CEP162: variants seen among roughly 807,000 people sequenced by gnomAD.
The protein encoded by CEP162 is centrosomal protein 162.
Under a neutral mutation model 169.2 loss-of-function variants are expected in CEP162, and 141 were observed. The observed-to-expected ratio is 0.83, with a 90% CI of 0.73 to 0.96. The LOEUF is 0.96. Ranked by LOEUF, CEP162 falls within the 40% of genes least tolerant of loss-of-function variation. The pLI is 0.00. For missense variants in CEP162, 1,600 were observed against 1,587.2 expected (o/e 1.01, Z -0.14); for synonymous variants, 540 against 526.4 (o/e 1.03, Z -0.35).
chr6:84,189,756 C>G (rs1329976774), intron 11 of CEP162, among the ~76,000 whole-genome samples: 2 of 152,230 alleles, frequency 1.3e-5, no homozygotes, highest in Non-Finnish European at 2.9e-5. Context: ...GGAATGCGAG[C>G]ACACGGCGCA....
chr6:84,221,112 C>T lies in CEP162; in HGVS notation c.117G>A (p.Met39Ile). The change falls in exon 3 of 27, where the codon ATG becomes ATA. Residue 39 changes from methionine to isoleucine, a missense_variant. By Grantham distance (10) the Met-to-Ile change is conservative. Coordinates refer to ENST00000403245, the MANE Select transcript of CEP162 (RefSeq NM_014895.4). ...ACCAAGGCACTGTATCTTTCTTCTT[C>T]ATCTCTTTTTTAGATTGTCTAGCTG... ...DKTARQSKKE[M>I]KKKDTVPWWI... The T allele has an allele frequency of 6.2e-7, 1 of 1,604,398 alleles. No individual in the cohort carries two copies. Among genetic ancestry groups the T allele is most frequent in the Admixed American group, 1.7e-5 (1 of 59,868 alleles).
At chr6:84,183,411 C>T (rs1588820889) in intron 13 of CEP162, among the ~76,000 whole-genome samples, 1 of 152,182 alleles carries the variant, frequency 6.6e-6, no homozygotes, top group African/African-American at 2.4e-5. Flanking sequence ...GATACTCATT[C>T]CCATTGGCAT....
chr6:84,212,625 A>C (rs1360524190), intron 6 of CEP162, among the ~76,000 whole-genome samples: 1 of 152,040 alleles, frequency 6.6e-6, no homozygotes, highest in Non-Finnish European at 1.5e-5. Context: ...AAAAACAAGA[A>C]GATGAAAAGA....
At chr6:84,226,247 T>C (rs778370827) in intron 2 of CEP162, 90 bp downstream of exon 2, 9 of 853,176 alleles carry the variant, frequency 1.1e-5, no homozygotes, top group Non-Finnish European at 1.5e-5. Flanking sequence ...AGTTTGGTGA[T>C]GGACTAACTG....
chr6:84,174,107 A>T lies in CEP162; in HGVS notation c.2107T>A (p.Leu703Met), dbSNP rs893883248. ...TGTATTTCTTTTTGGATTTGCTTCAACTTTTCTCCAGTGACAGGATCAGCT... is the reference window on the plus strand; with the variant it reads ...TGTATTTCTTTTTGGATTTGCTTCATCTTTTCTCCAGTGACAGGATCAGCT... ...EAADPVTGEK[L>M]KQIQKEIQEQ... Residue 703 changes from leucine (L) to methionine (M), a missense_variant, in exon 16 of 27, where the codon TTG becomes ATG. Physicochemically the swap from Leu to Met is conservative, Grantham distance 15. Transcript: ENST00000403245. The T allele has an allele frequency of 6.2e-7, 1 of 1,611,870 alleles. No homozygotes were observed. The highest frequency in any genetic ancestry group is 8.5e-7 in the Non-Finnish European group (1 of 1,178,626).
At chr6:84,194,845 G>A (rs1266001252) in intron 10 of CEP162, 39 bp downstream of exon 10, 1 of 1,348,294 alleles carries the variant, frequency 7.4e-7, no homozygotes. Flanking sequence ...CTTTAGAAAG[G>A]ATATCAAATA....
chr6:84,212,528 T>C (rs996545622), intron 6 of CEP162, among the ~76,000 whole-genome samples: 1 of 150,116 alleles, frequency 6.7e-6, no homozygotes, highest in African/African-American at 2.5e-5. Flanking sequence ...AAGAAAAAAA[T>C]ACAACAAAGA....
intron 21 of CEP162, among the ~76,000 whole-genome samples, chr6:84,158,609 A>C (rs1469975335): frequency 6.6e-6 from 1 of 152,200 alleles, no homozygotes; most frequent in Non-Finnish European, 1.5e-5. Flanking sequence ...TACAAATATT[A>C]GTCATTTCTT....
chr6:84,206,203 G>T (rs1345570797), intron 6 of CEP162, among the ~76,000 whole-genome samples: 1 of 149,078 alleles, frequency 6.7e-6, no homozygotes, highest in African/African-American at 2.6e-5. Flanking sequence ...TTTCTTCACA[G>T]AATTGGAAAA....
chr6:84,170,903 T>C (rs182907642), intron 17 of CEP162, among the ~76,000 whole-genome samples: 1 of 152,226 alleles, frequency 6.6e-6, no homozygotes, highest in East Asian at 1.9e-4. Flanking sequence ...TGAAAACAAC[T>C]TACAGGTGCT....
At chr6:84,203,663 G>A (rs1413115638) in intron 7 of CEP162, among the ~76,000 whole-genome samples, 1 of 152,044 alleles carries the variant, frequency 6.6e-6, no homozygotes, top group African/African-American at 2.4e-5. Flanking sequence ...TGTTGTCCAG[G>A]TTGTCCTTGA....
rs1369052980 is a variant in CEP162, at chr6:84,204,007, A to T, written c.661T>A (p.Ser221Thr). The T allele has an allele frequency of 6.2e-7, 1 of 1,608,402 alleles. No individual in the cohort carries two copies. The highest frequency in any genetic ancestry group is 8.5e-7 in the Non-Finnish European group (1 of 1,177,602). ...EEMPSKENSKSEKISVPKQEE... is the reference protein window; with the variant it reads ...EEMPSKENSKTEKISVPKQEE... ...TGTTTGGGCACACTTATTTTTTCTG[A>T]TTTGGAATTCTCTTTGGAAGGCATC... The change falls in exon 7 of 27, where the codon TCA (serine) becomes ACA (threonine). Residue 221 changes from serine (S) to threonine (T), a missense_variant. Physicochemically the swap from Ser to Thr is moderately conservative, Grantham distance 58. Coordinates refer to ENST00000403245, the MANE Select transcript of CEP162 (RefSeq NM_014895.4).
chr6:84,223,528 T>TAAAA (rs1176850415), intron 2 of CEP162, among the ~76,000 whole-genome samples: 3 of 144,996 alleles, frequency 2.1e-5, no homozygotes, highest in East Asian at 2.0e-4. Flanking sequence ...AATAAATAAA[T>TAAAA]AAAAATAAAA....
chr6:84,133,547 C>G (rs1296244604), intron 25 of CEP162, among the ~76,000 whole-genome samples: 1 of 152,194 alleles, frequency 6.6e-6, no homozygotes, highest in Non-Finnish European at 1.5e-5. Context: ...TGTTTACCTA[C>G]TCAAGCCTCA....
intron 9 of CEP162, among the ~76,000 whole-genome samples, chr6:84,196,228 A>G (rs1355452111): frequency 6.6e-6 from 1 of 152,174 alleles, no homozygotes; most frequent in Non-Finnish European, 1.5e-5. Context: ...ATAGTGAACG[A>G]GTCTCATGAG....
chr6:84,225,252 G>A (rs1239213652), intron 2 of CEP162, among the ~76,000 whole-genome samples: 2 of 152,022 alleles, frequency 1.3e-5, no homozygotes, highest in African/African-American at 4.8e-5. Context: ...AACCTAGATG[G>A]CTCCATGGTA....
chr6:84,178,397 T>C (rs2099533254), intron 13 of CEP162, among the ~76,000 whole-genome samples: 1 of 151,890 alleles, frequency 6.6e-6, no homozygotes, highest in Admixed American at 6.6e-5. Context: ...TGAATAGGAG[T>C]TCATAATTTT....
chr6:84,220,912 T>C (rs1749216540), intron 3 of CEP162, 145 bp downstream of exon 3: 2 of 504,352 alleles, frequency 4.0e-6, no homozygotes, highest in Non-Finnish European at 7.1e-6. Flanking sequence ...AAAGTACTGG[T>C]TATATGAAAA....
chr6:84,223,134 A>C (rs1274329737), intron 2 of CEP162, among the ~76,000 whole-genome samples: 1 of 152,228 alleles, frequency 6.6e-6, no homozygotes, highest in Non-Finnish European at 1.5e-5. Context: ...AAGTGTTCTT[A>C]CTTTAAACAA....
Sources: gnomAD v4.1 joint callset for allele counts (sites outside exome capture counted in the v4.1 genomes callset) on GRCh38, gnomAD v4.1.1 for gene constraint, MANE v1.5 for transcripts, NCBI Gene and HGNC (gene_info 2026-07-23, HGNC 2026-07-21) for gene names.